Variants in PRX observed in about 807,000 individuals in gnomAD.
The protein encoded by PRX is periaxin.
In PRX, 24 loss-of-function variants were observed where a neutral mutation model predicts 29.6. That is an observed-to-expected ratio of 0.81 (90% CI 0.59 to 1.14). The LOEUF (loss-of-function observed/expected upper bound fraction) is 1.14, where lower values mean the gene tolerates loss of function less well. Among genes scored for constraint, PRX ranks in the 50% most tolerant of loss-of-function variants. PRX has a pLI of 0.00. For missense variants in PRX, 1,838 were observed against 1,926.4 expected (o/e 0.95, Z 0.86); for synonymous variants, 772 against 831.7 (o/e 0.93, Z 1.24).
At chr19:40,408,999 G>A (rs1427414748) in intron 1 of PRX, among the ~76,000 whole-genome samples, 1 of 151,864 alleles carries the variant, frequency 6.6e-6, no homozygotes, top group Non-Finnish European at 1.5e-5. Context: ...CTACAGGTAC[G>A]CACCGCCATA....
In PRX at chr19:40,395,916, T is replaced by G; in HGVS notation, c.2436A>C (p.Ala812=). ...CTGGCTTGCCACGTGATGGGGACTC[T>G]GCCCTCCCTAGCTTGGGCATGGTCA... The part of the protein sequence containing the change: ...PKMTMPKLGR[A]ESPSRGKPGE... The change falls in exon 7 of 7, where the codon GCA becomes GCC. Residue 812 remains alanine (A), a synonymous_variant. Transcript: ENST00000324001. The G allele has an allele frequency of 6.2e-7, 1 of 1,614,216 alleles. No homozygotes were observed. The highest frequency in any genetic ancestry group is 8.5e-7 in the Non-Finnish European group (1 of 1,180,046).
chr19:40,398,005 A>G lies in PRX; in HGVS notation c.382-35T>C, dbSNP rs776439529. The G allele has an allele frequency of 2.5e-6, 4 of 1,586,034 alleles. No individual in the cohort carries two copies. The South Asian group carries it at 4.6e-5, about 18-fold the overall frequency. On this transcript the variant is annotated intron_variant, in intron 6 of 6. Transcript: ENST00000324001. The surrounding 1 kb of genome is among the most constrained non-coding windows in gnomAD (Gnocchi z 6.3). ...GAGGAGAGAGGCAGGAGGCGGTGGG[A>G]CAGTGGGAGGCTGGGAGTGGACAGG...
In PRX at chr19:40,398,844, C is replaced by T; in HGVS notation, c.185-28G>A. The T allele has an allele frequency of 1.9e-6, 3 of 1,613,804 alleles. No homozygotes were observed. The highest frequency in any genetic ancestry group is 3.3e-4 in the Middle Eastern group (2 of 6,022). ...GCGGGCGAGGTGGAGGTGCGCAGCA[C>T]GTGGGCATCTCCCGGCTCCGCCCGG... is the stretch of plus-strand genomic sequence containing the variant. On this transcript the variant is annotated intron_variant, in intron 5 of 6. Coordinates refer to ENST00000324001, the MANE Select transcript of PRX (RefSeq NM_181882.3). This position sits in a 1 kb window ranked among gnomAD's most constrained non-coding sequence, Gnocchi z 6.3.
rs779824354 is a variant in PRX, at chr19:40,397,545, G to T, written c.807C>A (p.His269Gln). Residue 269 changes from histidine (H) to glutamine (Q), a missense_variant, in exon 7 of 7, where the codon CAC becomes CAA. This residue lies in a region of PRX where 666 missense variants were observed against 665.0 expected (regional missense o/e 1.00). Coordinates refer to ENST00000324001, the MANE Select transcript of PRX (RefSeq NM_181882.3). ...SAEAAGGFAL[H>Q]LPTLGLGAPA... ...GGGCTCCGAGCCCAAGGGTTGGCAGGTGGAGGGCAAAGCCACCAGCTGCCT... is the reference window on the plus strand; with the variant it reads ...GGGCTCCGAGCCCAAGGGTTGGCAGTTGGAGGGCAAAGCCACCAGCTGCCT... 1.3e-6 allele frequency: 2 copies of T among 1,541,916 alleles called. No homozygotes were observed. Among genetic ancestry groups the T allele is most frequent in the Non-Finnish European group, 1.7e-6 (2 of 1,145,484 alleles).
chr19:40,396,538 A>T lies in PRX; in HGVS notation c.1814T>A (p.Leu605His). ...LPEMKLPEVQ[L>H]PKVPEMAVPD... Reference sequence around the variant, plus strand: ...CACGGCCATCTCGGGCACCTTCGGGAGTTGCACTTCAGGGAGTTTCATCTC... The same window carrying T: ...CACGGCCATCTCGGGCACCTTCGGGTGTTGCACTTCAGGGAGTTTCATCTC... Residue 605 changes from leucine (L) to histidine (H), a missense_variant, in exon 7 of 7, where the codon CTC becomes CAC. Coordinates refer to ENST00000324001, the MANE Select transcript of PRX (RefSeq NM_181882.3). 1 of 1,614,014 alleles carries T rather than the reference A, an allele frequency of 6.2e-7. No homozygotes were observed. Among genetic ancestry groups the T allele is most frequent in the South Asian group, 1.1e-5 (1 of 91,076 alleles).
intron 4 of PRX, among the ~76,000 whole-genome samples, chr19:40,405,673 C>CTGT (rs2079526262): frequency 8.4e-6 from 1 of 119,732 alleles, no homozygotes; most frequent in South Asian, 2.9e-4. Context: ...GAGTCTCGCT[C>CTGT]TGTCACCCAG....
intron 1 of PRX, among the ~76,000 whole-genome samples, chr19:40,410,328 G>A (rs796469600): frequency 3.3e-5 from 5 of 152,242 alleles, no homozygotes; most frequent in African/African-American, 9.6e-5. Flanking sequence ...ACAATGGCCC[G>A]TCTGCTGTGC....
At chr19:40,399,896 TTTCTTTCTTTTTCTTTC>T (rs1341504764) in intron 5 of PRX, among the ~76,000 whole-genome samples, 48 of 64,694 alleles carry the variant, frequency 7.4e-4, no homozygotes, top group Middle Eastern at 5.7e-3. Context: ...TCTTTCTTTC[TTTCTTTCTTTTTCTTTC>T]TTTCTTTCTT....
Position 40,408,232 on chromosome 19 carries a change from C to T in PRX, c.-174G>A, listed in dbSNP as rs1424482851. ...GCCGCACAGCTGTCTGCAGGGCTCACGCCCTTCCGTGGGGTTCTTGCTGCC... is the reference window on the plus strand; with the variant it reads ...GCCGCACAGCTGTCTGCAGGGCTCATGCCCTTCCGTGGGGTTCTTGCTGCC... On this transcript the variant is annotated 5_prime_UTR_variant, in exon 3 of 7. The change creates a new upstream start codon in the 5' untranslated region. Coordinates refer to ENST00000324001, the MANE Select transcript of PRX (RefSeq NM_181882.3). 12 of 544,946 alleles carry T rather than the reference C, an allele frequency of 2.2e-5. No homozygotes were observed. Among genetic ancestry groups the T allele is most frequent in the Admixed American group, 9.4e-5 (3 of 32,010 alleles). 33.8% of individuals were successfully genotyped at this position (544,946 alleles called of 1,614,324 possible).
At chr19:40,401,830 C>T (rs116069843) in intron 5 of PRX, among the ~76,000 whole-genome samples, 1 of 149,866 alleles carries the variant, frequency 6.7e-6, no homozygotes, top group Non-Finnish European at 1.5e-5. Flanking sequence ...TGAAGTGGCG[C>T]GAACTCGGCT....
intron 1 of PRX, among the ~76,000 whole-genome samples, chr19:40,410,872 AAAAAAT>A (rs538628494): frequency 1.3e-5 from 2 of 152,214 alleles, no homozygotes; most frequent in South Asian, 2.1e-4. Context: ...CTCCATCTCA[AAAAAAT>A]AAAAATAAAA....
chr19:40,409,462 A>C (rs1028408098), intron 1 of PRX, among the ~76,000 whole-genome samples: 27 of 147,182 alleles, frequency 1.8e-4, no homozygotes, highest in African/African-American at 6.2e-4. Context: ...TATTATTATT[A>C]TTATTATTAT....
chr19:40,409,622 AC>A, intron 1 of PRX, among the ~76,000 whole-genome samples: 1 of 151,792 alleles, frequency 6.6e-6, no homozygotes, highest in Admixed American at 6.6e-5. Context: ...ACAGGTGCCC[AC>A]CACCACGCCT....
chr19:40,397,713 G>T lies in PRX; in HGVS notation c.639C>A (p.Pro213=). ...QAARLAAAAP[P]PRKAKVEAEV... is the part of the protein sequence containing the mutation. ...CAGCCTCCACCTTGGCTTTCCTGGG[G>T]GGAGGAGCGGCGGCGGCCAGCCGGG... is the stretch of plus-strand genomic sequence containing the variant. Residue 213 remains proline (P), a synonymous_variant, in exon 7 of 7, where the codon CCC becomes CCA. Transcript: ENST00000324001. 6.4e-7 allele frequency: 1 copy of T among 1,560,912 alleles called. No homozygotes were observed.
intron 6 of PRX, 28 bp from the exon 7 acceptor site, chr19:40,397,998 CGGT>C (rs1568710034): frequency 6.3e-7 from 1 of 1,591,962 alleles, no homozygotes; most frequent in Non-Finnish European, 8.6e-7. Flanking sequence ...AGGCAGGAGG[CGGT>C]GGGACAGTGG....
At position 40,398,827 on chromosome 19, in the gene PRX, G is replaced by A. The variant is rs1340284130; in HGVS notation, c.185-11C>T. 2 of 1,613,838 alleles carry A rather than the reference G, an allele frequency of 1.2e-6. No homozygotes were observed. Among genetic ancestry groups the A allele is most frequent in the African/African-American group, 1.3e-5 (1 of 74,930 alleles). ...TCAGCAGCTGGTCCCCTGCGGGCGAGGTGGAGGTGCGCAGCACGTGGGCAT... is the reference window on the plus strand; with the variant it reads ...TCAGCAGCTGGTCCCCTGCGGGCGAAGTGGAGGTGCGCAGCACGTGGGCAT... On this transcript the variant is annotated splice_polypyrimidine_tract_variant and intron_variant, in intron 5 of 6. Transcript: ENST00000324001. The surrounding 1 kb of genome is among the most constrained non-coding windows in gnomAD (Gnocchi z 6.3).
rs983272464 is a variant in PRX, at chr19:40,394,179, C to T, written c.4173G>A (p.Arg1391=). The part of the protein sequence containing the change: ...VGLAAPSKAS[R]GQEGDAAPKS... Reference sequence around the variant, plus strand: ...TGGGGGCTGCATCGCCCTCCTGCCCCCGAGAGGCTTTAGAAGGGGCCGCCA... The same window carrying T: ...TGGGGGCTGCATCGCCCTCCTGCCCTCGAGAGGCTTTAGAAGGGGCCGCCA... The change falls in exon 7 of 7, where the codon CGG becomes CGA. Residue 1391 remains arginine (R), a synonymous_variant. Transcript: ENST00000324001. This position sits in a 1 kb window ranked among gnomAD's most constrained non-coding sequence, Gnocchi z 5.8. 5.7e-6 allele frequency: 9 copies of T among 1,587,614 alleles called. No individual in the cohort carries two copies. The Admixed American group carries it at 8.7e-5, about 15-fold the overall frequency.
chr19:40,397,721 C>A lies in PRX; in HGVS notation c.631G>T (p.Ala211Ser), dbSNP rs112973322. ...ACCTTGGCTTTCCTGGGGGGAGGAG[C>A]GGCGGCGGCCAGCCGGGCTGCCTGA... The part of the protein sequence containing the change: ...EAQAARLAAA[A>S]PPPRKAKVEA... The change falls in exon 7 of 7, where the codon GCT (alanine) becomes TCT (serine). Residue 211 changes from alanine (A) to serine (S), a missense_variant. By Grantham distance (99) the Ala-to-Ser change is moderately conservative (BLOSUM62 1). Around this residue, in one of 3 missense-constraint regions of PRX, gnomAD observed 666 missense variants for 665.0 expected, o/e 1.00. Transcript: ENST00000324001. The A allele has an allele frequency of 2.6e-6, 4 of 1,559,206 alleles. No homozygotes were observed. In the Admixed American group the frequency reaches 7.7e-5, roughly 30 times the overall value.
In PRX at chr19:40,394,769, G is replaced by A. The variant is rs1555800544; in HGVS notation, c.3583C>T (p.Pro1195Ser). Residue 1195 changes from proline to serine, a missense_variant, in exon 7 of 7, where the codon CCT becomes TCT. By Grantham distance (74) the Pro-to-Ser change is moderately conservative. This residue lies in a region of PRX where 1,143 missense variants were observed against 1,193.0 expected (regional missense o/e 0.96). Transcript: ENST00000324001. The surrounding 1 kb of genome is among the most constrained non-coding windows in gnomAD (Gnocchi z 5.8). Reference sequence around the variant, plus strand: ...TCACCACCTGCAACCTGGGCTCCAGGCAGAGACAGGGTCACCTGGGGCACC... The same window carrying A: ...TCACCACCTGCAACCTGGGCTCCAGACAGAGACAGGGTCACCTGGGGCACC... ...VQVPQVTLSL[P>S]GAQVAGGELL... 2 of 1,613,434 alleles carry A rather than the reference G, an allele frequency of 1.2e-6. No individual in the cohort carries two copies. The highest frequency in any genetic ancestry group is 1.3e-5 in the African/African-American group (1 of 74,918).
Sources: allele counts gnomAD v4.1 joint callset (sites outside exome capture counted in the v4.1 genomes callset), GRCh38; gene constraint gnomAD v4.1.1; regional missense constraint gnomAD v4.1.1; non-coding constraint Gnocchi (gnomAD v3.1); transcripts MANE v1.5; gene names NCBI Gene and HGNC (gene_info 2026-07-23, HGNC 2026-07-21).